Variants in FIBCD1 observed in about 807,000 individuals in gnomAD.
The protein encoded by FIBCD1 is fibrinogen C domain containing 1.
In FIBCD1, 47 loss-of-function variants were observed where a neutral mutation model predicts 45.1. The observed-to-expected ratio is 1.04, with a 90% CI of 0.82 to 1.33. FIBCD1 has a LOEUF of 1.33. FIBCD1 is among the 40% of genes most tolerant of loss of function. The probability of loss-of-function intolerance (pLI) is 0.00; values close to 1 mark genes in which losing one functional copy is unlikely to be tolerated. For synonymous variants in FIBCD1, 313 were observed against 308.1 expected, an observed-to-expected ratio of 1.02 and a Z score of -0.17; for missense variants, 653 against 682.2, an observed-to-expected ratio of 0.96 and a Z score of 0.48.
In FIBCD1 at chr9:130,939,168, C is replaced by T. The variant is rs1342370741; in HGVS notation, c.-561G>A. The stretch of plus-strand genomic sequence containing the variant: ...CTGGCTCCCGGAGGGGCCTGAGAGC[C>T]CCCCGGCGGCGCCTCTGCACAAACT... On this transcript the variant is annotated 5_prime_UTR_variant, in exon 1 of 7. Transcript: ENST00000372338. The T allele has an allele frequency of 6.6e-6, 1 of 151,824 alleles. No individual in the cohort carries two copies. Among genetic ancestry groups the T allele is most frequent in the Non-Finnish European group, 1.5e-5 (1 of 67,912 alleles). The allele number at this position is 151,824 out of a possible 1,614,324, so 9.4% of individuals were successfully genotyped here. A position where few individuals can be genotyped will look rare whatever the true frequency, so the allele number is the denominator to read the frequency against.
At chr9:130,904,413 G>A (rs897205088) in intron 6 of FIBCD1, 90 bp from the exon 7 acceptor site, 48 of 1,505,868 alleles carry the variant, frequency 3.2e-5, no homozygotes, top group East Asian at 2.5e-4. Context: ...GACACTGCAC[G>A]TGCACCTGGA....
intron 2 of FIBCD1, among the ~76,000 whole-genome samples, chr9:130,929,079 C>T (rs1159320698): frequency 6.6e-6 from 1 of 152,104 alleles, no homozygotes; most frequent in Admixed American, 6.5e-5. Context: ...GGACTGGTCT[C>T]TCTGTCCCTG....
Position 130,930,386 on chromosome 9 carries a change from G to A in FIBCD1, c.73-340C>T, listed in dbSNP as rs189931017. ...GACACAGGGAGACGCAGGGAGATGC[G>A]GGGAGACATGGGGAGATGCGGGGAG... On this transcript the variant is annotated intron_variant, in intron 1 of 6. Transcript: ENST00000372338. Among the ~76,000 whole-genome samples, 5 of 151,044 alleles carry A rather than the reference G, an allele frequency of 3.3e-5. No homozygotes were observed. In the East Asian group the frequency reaches 5.9e-4, roughly 18 times the overall value.
At chr9:130,920,863 C>T (rs1832249142) in intron 4 of FIBCD1, among the ~76,000 whole-genome samples, 1 of 152,238 alleles carries the variant, frequency 6.6e-6, no homozygotes, top group Non-Finnish European at 1.5e-5. Flanking sequence ...GTCCACCAGG[C>T]TGGGAGCCCG....
intron 6 of FIBCD1, 71 bp downstream of exon 6, chr9:130,905,163 C>G: frequency 6.9e-7 from 1 of 1,441,622 alleles, no homozygotes; most frequent in Non-Finnish European, 9.5e-7. Flanking sequence ...TTTTGGAGGG[C>G]AGGACCTCCT....
chr9:130,909,276 G>T (rs1337837476), intron 5 of FIBCD1, among the ~76,000 whole-genome samples: 1 of 56,274 alleles, frequency 1.8e-5, no homozygotes, highest in Non-Finnish European at 3.6e-5. Context: ...GCCGCCCCTC[G>T]CCCCCAACCC....
rs781405353 is a variant in FIBCD1 at position 130,905,373 on chromosome 9, G to A, written c.987C>T (p.Tyr329=). The change falls in exon 6 of 7, where the codon TAC becomes TAT. Residue 329 remains tyrosine, a synonymous_variant. Transcript: ENST00000372338. The stretch of plus-strand genomic sequence containing the variant: ...AGTCCTCCAGGTCCACGTGCAGCTC[G>A]TAGGCAGCCTGTGTGGTCAGGGCGT... ...RIHALTTQAA[Y]ELHVDLEDFE... 6.2e-6 allele frequency: 10 copies of A among 1,614,004 alleles called. No homozygotes were observed. Among genetic ancestry groups the A allele is most frequent in the South Asian group, 4.4e-5 (4 of 91,052 alleles).
At chr9:130,919,049 T>C (rs1181685359) in intron 4 of FIBCD1, among the ~76,000 whole-genome samples, 4 of 152,128 alleles carry the variant, frequency 2.6e-5, no homozygotes, top group African/African-American at 9.7e-5. Flanking sequence ...CTGCCGTCAT[T>C]CCCAGGCTTG....
chr9:130,932,934 G>T (rs773477815), intron 1 of FIBCD1, among the ~76,000 whole-genome samples: 1 of 152,238 alleles, frequency 6.6e-6, no homozygotes, highest in Admixed American at 6.5e-5. Flanking sequence ...TCATCAGACT[G>T]TGTAGCATTA....
chr9:130,911,844 G>A lies in FIBCD1; in HGVS notation c.894C>T (p.Gly298=). The change falls in exon 5 of 7, where the codon GGC becomes GGT. Residue 298 remains glycine, a synonymous_variant. Transcript: ENST00000372338. The stretch of plus-strand genomic sequence containing the variant: ...CAAAGCCGTCTCGGTACGCATCCCA[G>A]CCCCGGAAGAAGTTCACGGAGCCGT... ...REDGSVNFFR[G]WDAYRDGFGR... 1 of 1,603,026 alleles carries A rather than the reference G, an allele frequency of 6.2e-7. No individual in the cohort carries two copies. Among genetic ancestry groups the A allele is most frequent in the East Asian group, 2.3e-5 (1 of 43,900 alleles).
intron 1 of FIBCD1, among the ~76,000 whole-genome samples, chr9:130,933,139 G>A (rs573388208): frequency 1.8e-4 from 28 of 152,344 alleles, no homozygotes; most frequent in East Asian, 3.9e-4. Context: ...GGGGGACAGC[G>A]GAGCTTGGAG....
Position 130,923,795 on chromosome 9 carries a change from C to A in FIBCD1, c.798G>T (p.Pro266=), listed in dbSNP as rs114210057. Reference sequence around the variant, plus strand: ...TGTCACAGTACACCTGGAAGCCGGCCGGGTAGTGGGTGGGAAAGACAGAGT... The same window carrying A: ...TGTCACAGTACACCTGGAAGCCGGCAGGGTAGTGGGTGGGAAAGACAGAGT... ...GVYSVFPTHY[P]AGFQVYCDMR... The change falls in exon 4 of 7, where the codon CCG becomes CCT. Residue 266 remains proline, a synonymous_variant. Coordinates refer to ENST00000372338, the MANE Select transcript of FIBCD1 (RefSeq NM_032843.5). The A allele has an allele frequency of 1.2e-6, 2 of 1,612,884 alleles. No individual in the cohort carries two copies. Among genetic ancestry groups the A allele is most frequent in the Non-Finnish European group, 1.7e-6 (2 of 1,179,988 alleles).
intron 1 of FIBCD1, among the ~76,000 whole-genome samples, chr9:130,934,301 G>C (rs1832486068): frequency 6.6e-6 from 1 of 152,200 alleles, no homozygotes; most frequent in South Asian, 2.1e-4. Flanking sequence ...TGAAGGGTTG[G>C]TGGCTCTGCT....
chr9:130,930,799 G>A (rs1832437659), intron 1 of FIBCD1: 1 of 456,248 alleles, frequency 2.2e-6, no homozygotes. Context: ...TTCCTCGCCT[G>A]TAAAACAGAG....
In FIBCD1 at chr9:130,903,764, C is replaced by T. The variant is rs555634178; in HGVS notation, c.*300G>A. 8.7e-5 allele frequency: 44 copies of T among 507,982 alleles called. No homozygotes were observed. The highest frequency in any genetic ancestry group is 5.6e-4 in the Middle Eastern group (1 of 1,790). 31.5% of individuals were successfully genotyped at this position (507,982 alleles called of 1,614,324 possible). On this transcript the variant is annotated 3_prime_UTR_variant, in exon 7 of 7. Coordinates refer to ENST00000372338, the MANE Select transcript of FIBCD1 (RefSeq NM_032843.5). ...AGACTCCACCATCCTGGCCAGGGGA[C>T]GGCAAACAGCACCGGAGTCACAGTG...
chr9:130,918,153 A>T (rs1832199014), intron 4 of FIBCD1, among the ~76,000 whole-genome samples: 1 of 152,250 alleles, frequency 6.6e-6, no homozygotes, highest in Non-Finnish European at 1.5e-5. Context: ...AGCTAGGATT[A>T]TAAAAGCCTC....
At position 130,903,791 on chromosome 9, in the gene FIBCD1, G is replaced by T; in HGVS notation, c.*273C>A. The stretch of plus-strand genomic sequence containing the variant: ...GCAAACAGCACCGGAGTCACAGTGG[G>T]GGCAGGCAGGAGTTGGGGTCGTCAA... On this transcript the variant is annotated 3_prime_UTR_variant, in exon 7 of 7. Transcript: ENST00000372338. The T allele has an allele frequency of 1.8e-6, 1 of 559,126 alleles. No homozygotes were observed. Among genetic ancestry groups the T allele is most frequent in the Non-Finnish European group, 3.3e-6 (1 of 303,784 alleles). 34.6% of individuals were successfully genotyped at this position (559,126 alleles called of 1,614,324 possible).
chr9:130,920,818 C>T (rs1832248414), intron 4 of FIBCD1, among the ~76,000 whole-genome samples: 1 of 152,226 alleles, frequency 6.6e-6, no homozygotes, highest in Non-Finnish European at 1.5e-5. Context: ...CTGGGGCTCC[C>T]CATCCCTGGC....
At chr9:130,917,509 G>A (rs905164021) in intron 4 of FIBCD1, among the ~76,000 whole-genome samples, 9 of 152,198 alleles carry the variant, frequency 5.9e-5, no homozygotes, top group African/African-American at 1.9e-4. Flanking sequence ...AGCCACCGAC[G>A]GCCCTGTGTT....
Sources: gnomAD v4.1 joint callset for allele counts (sites outside exome capture counted in the v4.1 genomes callset) on GRCh38, gnomAD v4.1.1 for gene constraint, MANE v1.5 for transcripts, NCBI Gene and HGNC (gene_info 2026-07-23, HGNC 2026-07-21) for gene names.